EYS: variants seen among roughly 807,000 people sequenced by gnomAD.
EYS encodes EGF-like photoreceptor maintenance factor, also known as protein eyes shut homolog.
In EYS, 250 loss-of-function variants were observed where a neutral mutation model predicts 282.1. The observed-to-expected ratio is 0.89, with a 90% CI of 0.80 to 0.98. The LOEUF (loss-of-function observed/expected upper bound fraction) is 0.98. Ranked by LOEUF, EYS falls within the 50% of genes least tolerant of loss-of-function variation. EYS has a pLI of 0.00. For synonymous variants in EYS, 1,355 were observed against 1,282.9 expected (o/e 1.06, Z -1.20); for missense variants, 4,016 against 3,709.0 (o/e 1.08, Z -2.15).
chr6:63,726,734 A>T, intron 41 of EYS, 54 bp from the exon 42 acceptor site: 1 of 1,445,800 alleles, frequency 6.9e-7, no homozygotes, highest in Non-Finnish European at 9.4e-7. Flanking sequence ...ATTAAAAAAC[A>T]TTGCTCATAA....
Position 64,591,397 on chromosome 6 carries a change from C to A in EYS, c.4470G>T (p.Ser1490=), listed in dbSNP as rs767213595. Residue 1490 remains serine (S), a synonymous_variant, in exon 26 of 43, where the codon TCG becomes TCT. Coordinates refer to ENST00000503581, the MANE Select transcript of EYS (RefSeq NM_001142800.2). ...RREHWRLLSP[S]MSPIFPAKVI... The stretch of plus-strand genomic sequence containing the variant: ...CCTTAGCAGGAAAAATGGGAGACAT[C>A]GAGGGGCTGAGCAATCTCCAGTGCT... 1 of 1,551,212 alleles carries A rather than the reference C, an allele frequency of 6.4e-7. No homozygotes were observed. Among genetic ancestry groups the A allele is most frequent in the Admixed American group, 2.0e-5 (1 of 50,940 alleles).
At chr6:65,155,631 C>A (rs1478783258) in intron 12 of EYS, among the ~76,000 whole-genome samples, 1 of 151,506 alleles carries the variant, frequency 6.6e-6, no homozygotes, top group Non-Finnish European at 1.5e-5. Context: ...TAACTGTCCT[C>A]ATTTTTAAAA....
At chr6:63,760,338 CAT>C (rs1218326326) in intron 41 of EYS, among the ~76,000 whole-genome samples, 1 of 151,920 alleles carries the variant, frequency 6.6e-6, no homozygotes, top group African/African-American at 2.4e-5. Flanking sequence ...ATAGCTATAA[CAT>C]AAATGAGCAA....
intron 12 of EYS, among the ~76,000 whole-genome samples, chr6:65,206,295 G>A (rs1162680269): frequency 1.3e-5 from 2 of 151,562 alleles, no homozygotes; most frequent in Non-Finnish European, 3.0e-5. Context: ...CTTAAAGGAT[G>A]TAAATAATTC....
intron 2 of EYS, among the ~76,000 whole-genome samples, chr6:65,542,652 T>C (rs1289285562): frequency 6.6e-6 from 1 of 152,136 alleles, no homozygotes; most frequent in South Asian, 2.1e-4. Flanking sequence ...AAAAGCTGAT[T>C]AATTAGATTT....
At chr6:64,743,493 A>C (rs574942329) in intron 22 of EYS, among the ~76,000 whole-genome samples, 2 of 152,254 alleles carry the variant, frequency 1.3e-5, no homozygotes, top group East Asian at 3.9e-4. Flanking sequence ...AATGGTAAAG[A>C]GCATTCTTAA....
chr6:65,216,981 C>T (rs966993266), intron 12 of EYS, among the ~76,000 whole-genome samples: 2 of 151,966 alleles, frequency 1.3e-5, no homozygotes, highest in Non-Finnish European at 2.9e-5. Flanking sequence ...CTAGGTCATA[C>T]TAATCAATTA....
intron 28 of EYS, among the ~76,000 whole-genome samples, chr6:64,427,728 C>T (rs1189020103): frequency 6.6e-6 from 1 of 152,068 alleles, no homozygotes; most frequent in Non-Finnish European, 1.5e-5. Context: ...TGAGAAAGCA[C>T]ATGAAAGCAA....
chr6:64,079,734 C>A (rs1042274596), intron 32 of EYS, among the ~76,000 whole-genome samples: 1 of 152,078 alleles, frequency 6.6e-6, no homozygotes, highest in African/African-American at 2.4e-5. Context: ...CCCCTGATAC[C>A]ACAACAGGCC....
chr6:64,998,339 A>G (rs1229867152), intron 13 of EYS, among the ~76,000 whole-genome samples: 1 of 152,232 alleles, frequency 6.6e-6, no homozygotes, highest in Non-Finnish European at 1.5e-5. Context: ...GCACCAATTT[A>G]TAACTACTTG....
intron 22 of EYS, among the ~76,000 whole-genome samples, chr6:64,711,741 T>C (rs1358296815): frequency 1.3e-5 from 2 of 152,214 alleles, no homozygotes; most frequent in East Asian, 3.9e-4. Flanking sequence ...CTAAATACGC[T>C]ATGCTATTCC....
chr6:65,051,675 C>A (rs1466880055), intron 13 of EYS, among the ~76,000 whole-genome samples: 1 of 151,332 alleles, frequency 6.6e-6, no homozygotes, highest in South Asian at 2.1e-4. Context: ...AATTTTGTAT[C>A]CTTTTACCAA....
chr6:64,911,531 C>T (rs1767989545), intron 16 of EYS, among the ~76,000 whole-genome samples: 1 of 152,038 alleles, frequency 6.6e-6, no homozygotes, highest in African/African-American at 2.4e-5. Flanking sequence ...GTCATCTAAG[C>T]TGACTTTTTT....
chr6:65,018,634 T>C (rs1772137467), intron 13 of EYS, among the ~76,000 whole-genome samples: 4 of 152,166 alleles, frequency 2.6e-5, no homozygotes, highest in Non-Finnish European at 1.5e-5. Context: ...AAATACAATG[T>C]GTTTTGATGT....
chr6:64,971,365 G>A (rs373534098), intron 14 of EYS, among the ~76,000 whole-genome samples: 3 of 151,728 alleles, frequency 2.0e-5, no homozygotes, highest in South Asian at 2.1e-4. Context: ...GACTTAAGGC[G>A]GTAGAGATAG....
At chr6:64,763,353 G>C (rs1382644935) in intron 22 of EYS, among the ~76,000 whole-genome samples, 1 of 152,268 alleles carries the variant, frequency 6.6e-6, no homozygotes, top group East Asian at 1.9e-4. Context: ...GAGGGCAAAA[G>C]GGAAGCAAGC....
chr6:64,520,238 G>A (rs1437739046), intron 26 of EYS, among the ~76,000 whole-genome samples: 2 of 151,744 alleles, frequency 1.3e-5, no homozygotes, highest in Non-Finnish European at 3.0e-5. Flanking sequence ...ACTAATGGAG[G>A]AGGGAATGTT....
intron 33 of EYS, among the ~76,000 whole-genome samples, chr6:64,038,021 A>G (rs1465901382): frequency 1.3e-5 from 2 of 152,218 alleles, no homozygotes; most frequent in Non-Finnish European, 2.9e-5. Flanking sequence ...TTTTAGATCA[A>G]ATTGACTTTT....
intron 11 of EYS, among the ~76,000 whole-genome samples, chr6:65,319,765 A>T (rs963118125): frequency 2.6e-5 from 4 of 152,148 alleles, no homozygotes; most frequent in African/African-American, 9.7e-5. Context: ...TCCCTCCCTC[A>T]AAGTAGTCTG....
Sources: gnomAD v4.1 joint callset for allele counts (sites outside exome capture counted in the v4.1 genomes callset) on GRCh38, gnomAD v4.1.1 for gene constraint, MANE v1.5 for transcripts, NCBI Gene and HGNC (gene_info 2026-07-23, HGNC 2026-07-21) for gene names.